USP53: variants seen among roughly 807,000 people sequenced by gnomAD.
The protein encoded by USP53 is ubiquitin carboxyl-terminal hydrolase 53.
USP53 carries 71 observed loss-of-function variants against 94.9 expected under a neutral mutation model. That is an observed-to-expected ratio of 0.75 (90% CI 0.62 to 0.91). The LOEUF (loss-of-function observed/expected upper bound fraction) is 0.91, where lower values mean the gene tolerates loss of function less well. USP53 is among the 40% of genes least tolerant of loss of function. The pLI is 0.00. For synonymous variants in USP53, 375 were observed against 422.7 expected, an observed-to-expected ratio of 0.89 and a Z score of 1.39; for missense variants, 1,173 against 1,281.0, an observed-to-expected ratio of 0.92 and a Z score of 1.29.
At chr4:119,254,980 C>T (rs1749556502) in intron 7 of USP53, among the ~76,000 whole-genome samples, 2 of 152,158 alleles carry the variant, frequency 1.3e-5, no homozygotes, top group Admixed American at 6.5e-5. Context: ...CAGACAGGCC[C>T]CTCAGCTGCA....
chr4:119,228,440 G>T (rs1387343686), intron 3 of USP53, among the ~76,000 whole-genome samples: 1 of 152,144 alleles, frequency 6.6e-6, no homozygotes, highest in Non-Finnish European at 1.5e-5. Context: ...ATTACATTAG[G>T]CCCAACCAGA....
At chr4:119,237,306 G>A (rs1021772132) in intron 4 of USP53, among the ~76,000 whole-genome samples, 1 of 152,168 alleles carries the variant, frequency 6.6e-6, no homozygotes, top group Admixed American at 6.5e-5. Flanking sequence ...AGAATGGTAA[G>A]TGAGCATTGG....
In USP53 at chr4:119,256,441, T is replaced by A; in HGVS notation, c.487T>A (p.Cys163Ser). The A allele has an allele frequency of 6.2e-7, 1 of 1,613,914 alleles. No individual in the cohort carries two copies. The highest frequency in any genetic ancestry group is 8.5e-7 in the Non-Finnish European group (1 of 1,179,830). The change falls in exon 9 of 19, where the codon TGT becomes AGT. Residue 163 changes from cysteine to serine, a missense_variant and splice_region_variant. Coordinates refer to ENST00000692078, the MANE Select transcript of USP53 (RefSeq NM_001371395.1). The part of the protein sequence containing the change: ...QKFAMTLYEQ[C>S]VCRSCGASSD... ...TAAACATATGTTTTTACCTATATAG[T>A]GTGTGTGTCGTAGCTGTGGAGCATC...
rs374411692 is a variant in USP53 at position 119,292,521 on chromosome 4, C to G, written c.2532C>G (p.His844Gln). The G allele has an allele frequency of 1.1e-5, 18 of 1,613,836 alleles. No individual in the cohort carries two copies. The highest frequency in any genetic ancestry group is 1.4e-5 in the Non-Finnish European group (16 of 1,179,918). The change falls in exon 19 of 19, where the codon CAC (histidine) becomes CAG (glutamine). Residue 844 changes from histidine to glutamine, a missense_variant. Physicochemically the swap from His to Gln is conservative, Grantham distance 24. Coordinates refer to ENST00000692078, the MANE Select transcript of USP53 (RefSeq NM_001371395.1). Reference protein sequence around the residue: ...ENSERTGLPFHVDNSASGKRV... With the variant: ...ENSERTGLPFQVDNSASGKRV... ...CTGAGAGAACAGGTTTGCCTTTTCA[C>G]GTTGATAACTCTGCTTCTGGGAAGA...
chr4:119,291,319 G>A, intron 18 of USP53, 58 bp downstream of exon 18: 3 of 1,096,614 alleles, frequency 2.7e-6, no homozygotes, highest in Non-Finnish European at 4.0e-6. Context: ...TTATCAGAAG[G>A]GCATAAATAC....
At chr4:119,256,653 G>C (rs1017339896) in intron 9 of USP53, 130 bp downstream of exon 9, 1 of 928,734 alleles carries the variant, frequency 1.1e-6, no homozygotes, top group African/African-American at 1.6e-5. Context: ...GTATGCTGCT[G>C]TGAGATGTAT....
chr4:119,243,593 A>G (rs949286426), intron 5 of USP53, among the ~76,000 whole-genome samples: 10 of 152,220 alleles, frequency 6.6e-5, no homozygotes, highest in Admixed American at 5.9e-4. Flanking sequence ...TAGCCTTTAC[A>G]GTATTGTGTT....
At chr4:119,267,924 T>A (rs1479442942) in intron 13 of USP53, among the ~76,000 whole-genome samples, 1 of 152,146 alleles carries the variant, frequency 6.6e-6, no homozygotes, top group Non-Finnish European at 1.5e-5. Context: ...TCCCAATGCT[T>A]TGGGAGGCCG....
chr4:119,238,262 A>G (rs1157177284), intron 4 of USP53, among the ~76,000 whole-genome samples: 4 of 152,178 alleles, frequency 2.6e-5, no homozygotes, highest in Non-Finnish European at 5.9e-5. Flanking sequence ...AATGAGAGAC[A>G]TGCGACTCCT....
At chr4:119,225,831 T>G (rs2149280169) in intron 3 of USP53, among the ~76,000 whole-genome samples, 1 of 152,182 alleles carries the variant, frequency 6.6e-6, no homozygotes, top group East Asian at 1.9e-4. Context: ...AAATCCCTCA[T>G]GAATACAGAT....
intron 9 of USP53, among the ~76,000 whole-genome samples, chr4:119,259,595 G>A (rs759860686): frequency 3.9e-4 from 60 of 151,988 alleles, no homozygotes; most frequent in Non-Finnish European, 7.4e-4. Flanking sequence ...ATATAATTTT[G>A]TGTTACTTTG....
intron 3 of USP53, among the ~76,000 whole-genome samples, chr4:119,234,512 A>C (rs1395371105): frequency 6.6e-6 from 1 of 152,194 alleles, no homozygotes. Context: ...AGTGATTTTT[A>C]CATATACGCT....
intron 13 of USP53, among the ~76,000 whole-genome samples, chr4:119,267,761 G>A (rs1467771115): frequency 6.6e-6 from 1 of 152,156 alleles, no homozygotes; most frequent in Non-Finnish European, 1.5e-5. Context: ...AAGTGATTTA[G>A]TAAACTGGAA....
At position 119,245,429 on chromosome 4, in the gene USP53, G is replaced by GGTA. The variant is rs1748106340; in HGVS notation, c.237+1_237+3dup. The GGTA allele has an allele frequency of 6.2e-7, 1 of 1,612,970 alleles. No homozygotes were observed. The highest frequency in any genetic ancestry group is 1.7e-5 in the Admixed American group (1 of 59,918). ...ATGCCTGTATATTTTGTGCATTGAAGGTAACCTTTTAATAGCTCTGAAAAA... is the reference window on the plus strand; with the variant it reads ...ATGCCTGTATATTTTGTGCATTGAAGGTAGTAACCTTTTAATAGCTCTGAAAAA... On this transcript the variant is annotated inframe_insertion and splice_region_variant. Coordinates refer to ENST00000692078, the MANE Select transcript of USP53 (RefSeq NM_001371395.1).
chr4:119,274,110 T>A (rs1254206434), intron 17 of USP53, among the ~76,000 whole-genome samples: 1 of 151,070 alleles, frequency 6.6e-6, no homozygotes, highest in Non-Finnish European at 1.5e-5. Flanking sequence ...TTTATTTTTT[T>A]ATTATACTTT....
At chr4:119,221,766 C>T (rs1449445942) in intron 3 of USP53, among the ~76,000 whole-genome samples, 3 of 152,142 alleles carry the variant, frequency 2.0e-5, no homozygotes, top group Non-Finnish European at 2.9e-5. Flanking sequence ...CTCTGATTGG[C>T]CGAAATGGGC....
intron 7 of USP53, among the ~76,000 whole-genome samples, chr4:119,252,145 T>C (rs752988025): frequency 6.6e-6 from 1 of 152,348 alleles, no homozygotes; most frequent in African/African-American, 2.4e-5. Flanking sequence ...CAGAATTTTA[T>C]TGAGGATTTT....
At position 119,293,380 on chromosome 4, in the gene USP53, G is replaced by A. The variant is rs762267175; in HGVS notation, c.*169G>A. Reference sequence around the variant, plus strand: ...TAGGAACCTACTGACCAAACCTAGTGATACATAAAATTAAAGCCTGTGGCA... The same window carrying A: ...TAGGAACCTACTGACCAAACCTAGTAATACATAAAATTAAAGCCTGTGGCA... On this transcript the variant is annotated 3_prime_UTR_variant, in exon 19 of 19. Coordinates refer to ENST00000692078, the MANE Select transcript of USP53 (RefSeq NM_001371395.1). 32 of 710,590 alleles carry A rather than the reference G, an allele frequency of 4.5e-5. No homozygotes were observed. The highest frequency in any genetic ancestry group is 7.0e-5 in the Non-Finnish European group (32 of 456,398). The allele number at this position is 710,590 out of a possible 1,614,324, so 44.0% of individuals were successfully genotyped here. A position where few individuals can be genotyped will look rare whatever the true frequency, so the allele number is the denominator to read the frequency against.
chr4:119,230,635 A>C (rs1745937789), intron 3 of USP53, among the ~76,000 whole-genome samples: 1 of 152,180 alleles, frequency 6.6e-6, no homozygotes, highest in Admixed American at 6.5e-5. Context: ...ACCAGAAAAG[A>C]AGTTGGATTC....
Sources: gnomAD v4.1 joint callset for allele counts (sites outside exome capture counted in the v4.1 genomes callset) on GRCh38, gnomAD v4.1.1 for gene constraint, MANE v1.5 for transcripts, NCBI Gene and HGNC (gene_info 2026-07-23, HGNC 2026-07-21) for gene names.